Variants in DNAH14 observed in about 807,000 individuals in gnomAD.
DNAH14 encodes the protein dynein axonemal heavy chain 14, also known as axonemal beta dynein heavy chain 14.
In DNAH14, 478 loss-of-function variants were observed where a neutral mutation model predicts 520.9. That is an observed-to-expected ratio of 0.92 (90% CI 0.85 to 0.99). DNAH14 has a LOEUF of 0.99. Among genes scored for constraint, DNAH14 ranks in the 50% least tolerant of loss-of-function variants. The pLI is 0.00. For missense variants in DNAH14, 4,831 were observed against 5,234.5 expected (o/e 0.92, Z 2.38); for synonymous variants, 1,581 against 1,757.2 (o/e 0.90, Z 2.51).
intron 17 of DNAH14, among the ~76,000 whole-genome samples, chr1:225,057,099 T>G (rs1217357089): frequency 1.3e-5 from 2 of 152,252 alleles, no homozygotes; most frequent in Non-Finnish European, 2.9e-5. Flanking sequence ...GGGGATGGCA[T>G]TGAATCTATA....
chr1:225,001,604 G>T (rs746456536), intron 8 of DNAH14, among the ~76,000 whole-genome samples: 2 of 151,736 alleles, frequency 1.3e-5, no homozygotes, highest in African/African-American at 4.8e-5. Flanking sequence ...ATTTTTATGT[G>T]CACCCTCCCC....
intron 50 of DNAH14, among the ~76,000 whole-genome samples, chr1:225,271,598 A>T (rs1361828208): frequency 2.0e-5 from 3 of 152,154 alleles, no homozygotes; most frequent in Non-Finnish European, 4.4e-5. Context: ...GAGCAAGGAG[A>T]TGAAAGAATT....
intron 23 of DNAH14, among the ~76,000 whole-genome samples, chr1:225,115,162 AGT>A (rs2148844358): frequency 6.6e-6 from 1 of 152,248 alleles, no homozygotes. Context: ...CTAACAATGG[AGT>A]CTCTCTCTGT....
chr1:225,339,166 C>A (rs1293921859), intron 68 of DNAH14, among the ~76,000 whole-genome samples: 1 of 150,220 alleles, frequency 6.7e-6, no homozygotes, highest in Non-Finnish European at 1.5e-5. Flanking sequence ...AAAAAATTAG[C>A]CAGGTGTGGT....
chr1:225,092,077 G>A (rs984364287), intron 21 of DNAH14, among the ~76,000 whole-genome samples: 3 of 152,096 alleles, frequency 2.0e-5, no homozygotes, highest in African/African-American at 7.2e-5. Flanking sequence ...TATAAAGCAA[G>A]TTCTTAAAGA....
At chr1:224,995,999 T>A (rs2063363917) in intron 8 of DNAH14, among the ~76,000 whole-genome samples, 2 of 152,110 alleles carry the variant, frequency 1.3e-5, no homozygotes, top group African/African-American at 4.8e-5. Context: ...TAAGAGGATA[T>A]TGCTGAATTA....
At chr1:224,938,601 G>A (rs1008605396) in intron 1 of DNAH14, among the ~76,000 whole-genome samples, 1 of 152,144 alleles carries the variant, frequency 6.6e-6, no homozygotes, top group Non-Finnish European at 1.5e-5. Context: ...GGGAATGTAA[G>A]TTAGTACAAC....
intron 21 of DNAH14, among the ~76,000 whole-genome samples, chr1:225,092,783 A>G (rs187455393): frequency 1.3e-5 from 2 of 151,146 alleles, no homozygotes; most frequent in Non-Finnish European, 1.5e-5. Context: ...AGCTACAATC[A>G]TAAGAAAAAA....
At chr1:224,999,507 A>G (rs1392522481) in intron 8 of DNAH14, among the ~76,000 whole-genome samples, 1 of 152,108 alleles carries the variant, frequency 6.6e-6, no homozygotes, top group African/African-American at 2.4e-5. Flanking sequence ...TGCCTAGCAT[A>G]TGCCATATTT....
At chr1:224,988,425 C>T (rs1236910104) in intron 8 of DNAH14, among the ~76,000 whole-genome samples, 1 of 152,130 alleles carries the variant, frequency 6.6e-6, no homozygotes, top group African/African-American at 2.4e-5. Flanking sequence ...CAATGAAATA[C>T]CATCTCATGC....
At chr1:225,357,238 G>A (rs2095439847) in intron 73 of DNAH14, among the ~76,000 whole-genome samples, 1 of 151,904 alleles carries the variant, frequency 6.6e-6, no homozygotes, top group South Asian at 2.1e-4. Context: ...AATGATTTGT[G>A]GTTGCTTAGA....
intron 54 of DNAH14, among the ~76,000 whole-genome samples, chr1:225,289,005 G>T (rs1448542874): frequency 6.6e-6 from 1 of 152,078 alleles, no homozygotes; most frequent in Non-Finnish European, 1.5e-5. Context: ...TCAAAGACTT[G>T]TATGGAAATG....
rs1210027558 is a variant in DNAH14, at chr1:225,192,849, C to A, written c.5824C>A (p.Pro1942Thr). ...TIRSYVYFNT[P>T]KNTKKDIDLR... is the part of the protein sequence containing the mutation. ...TCGAAGTTATGTATATTTTAACACACCAAAGAACACAAAGAAAGACATTGA... is the reference window on the plus strand; with the variant it reads ...TCGAAGTTATGTATATTTTAACACAACAAAGAACACAAAGAAAGACATTGA... The change falls in exon 38 of 86, where the codon CCA (proline) becomes ACA (threonine). Residue 1942 changes from proline (P) to threonine (T), a missense_variant. By Grantham distance (38) the Pro-to-Thr change is conservative. Transcript: ENST00000682510. The A allele has an allele frequency of 1.9e-6, 3 of 1,549,450 alleles. No homozygotes were observed. Among genetic ancestry groups the A allele is most frequent in the East Asian group, 4.9e-5 (2 of 40,714 alleles).
chr1:225,007,393 AT>A lies in DNAH14; in HGVS notation c.976-17del. 1 of 1,492,358 alleles carries A rather than the reference AT, an allele frequency of 6.7e-7. No homozygotes were observed. The highest frequency in any genetic ancestry group is 2.6e-5 in the East Asian group (1 of 38,954). The allele number at this position is 1,492,358 out of a possible 1,614,324, so 92.4% of individuals were successfully genotyped here. A position where few individuals can be genotyped will look rare whatever the true frequency, so the allele number is the denominator to read the frequency against. ...GAATTTTGACTTTCTAACACTGAAC[AT>A]TTACTATCATCTAATTAGCTGGATA... On this transcript the variant is annotated intron_variant, in intron 9 of 85. Transcript: ENST00000682510.
intron 21 of DNAH14, among the ~76,000 whole-genome samples, chr1:225,094,874 A>C (rs1237347207): frequency 6.6e-6 from 1 of 151,636 alleles, no homozygotes; most frequent in Non-Finnish European, 1.5e-5. Context: ...ACAAACAGAC[A>C]CTTTTCAAAA....
At chr1:225,019,632 A>G (rs374910600) in intron 10 of DNAH14, among the ~76,000 whole-genome samples, 2 of 152,284 alleles carry the variant, frequency 1.3e-5, no homozygotes, top group Non-Finnish European at 2.9e-5. Context: ...TCGTCAGCAC[A>G]TGGCACATAC....
chr1:225,024,290 T>C (rs2148041188), intron 11 of DNAH14: 3 of 982,212 alleles, frequency 3.1e-6, no homozygotes, highest in South Asian at 9.4e-5. Flanking sequence ...CAAAGTCCAA[T>C]TGGAATTTGA....
intron 22 of DNAH14, among the ~76,000 whole-genome samples, chr1:225,098,061 C>A (rs2075141645): frequency 6.6e-6 from 1 of 152,034 alleles, no homozygotes; most frequent in South Asian, 2.1e-4. Flanking sequence ...GGTTTAGTAG[C>A]ACATGCCTGT....
chr1:225,241,503 T>C (rs12049495), intron 43 of DNAH14, among the ~76,000 whole-genome samples: 60,791 of 152,006 alleles, frequency 0.4, 12,422 homozygotes, highest in African/African-American at 0.43. Context: ...GCTGAACAAC[T>C]GGGATGTGTT....
Sources: allele counts gnomAD v4.1 joint callset (sites outside exome capture counted in the v4.1 genomes callset), GRCh38; gene constraint gnomAD v4.1.1; transcripts MANE v1.5; gene names NCBI Gene and HGNC (gene_info 2026-07-23, HGNC 2026-07-21).